Variants in FXR1 observed in about 807,000 individuals in gnomAD.
The protein encoded by FXR1 is FMR1 autosomal homolog 1, also known as RNA-binding protein FXR1.
In FXR1, 15 loss-of-function variants were observed where a neutral mutation model predicts 84.0. That is an observed-to-expected ratio of 0.18 (90% CI 0.12 to 0.27). The LOEUF is 0.27. Ranked by LOEUF, FXR1 falls within the 10% of genes least tolerant of loss-of-function variation. The pLI, the probability that FXR1 is intolerant of heterozygous loss-of-function variation, is 1.00. For synonymous variants in FXR1, 245 were observed against 250.7 expected (o/e 0.98, Z 0.21); for missense variants, 480 against 774.4 (o/e 0.62, Z 4.51).
chr3:180,960,041 G>A (rs1711894513), intron 10 of FXR1, among the ~76,000 whole-genome samples: 1 of 152,054 alleles, frequency 6.6e-6, no homozygotes, highest in African/African-American at 2.4e-5. Context: ...AACTGATTGG[G>A]GGAGTTAAGC....
intron 3 of FXR1, among the ~76,000 whole-genome samples, chr3:180,942,647 T>C (rs1371526136): frequency 6.6e-6 from 1 of 152,098 alleles, no homozygotes; most frequent in African/African-American, 2.4e-5. Context: ...GCTATTGTGT[T>C]TTTAGGCTTC....
chr3:180,950,734 A>C (rs553913790), intron 7 of FXR1, among the ~76,000 whole-genome samples: 32 of 152,268 alleles, frequency 2.1e-4, no homozygotes, highest in Non-Finnish European at 4.0e-4. Context: ...AAATCATTTT[A>C]GTCTTTTTTG....
chr3:180,919,150 A>G lies in FXR1; in HGVS notation c.51+6414A>G, dbSNP rs556139104. ...TTTAGACAAATCTGCTTTCTAATAT[A>G]GTAGCCACCAGCCATGGAGCTGAAA... is the stretch of plus-strand genomic sequence containing the variant. On this transcript the variant is annotated intron_variant, in intron 1 of 16. Transcript: ENST00000357559. Among the ~76,000 whole-genome samples, 5 of 152,340 alleles carry G rather than the reference A, an allele frequency of 3.3e-5. No individual in the cohort carries two copies. The South Asian group carries it at 8.3e-4, about 25-fold the overall frequency.
intron 1 of FXR1, among the ~76,000 whole-genome samples, chr3:180,922,254 A>T (rs1005678130): frequency 3.9e-5 from 6 of 152,174 alleles, no homozygotes; most frequent in Non-Finnish European, 8.8e-5. Context: ...CTTTCCAAAA[A>T]GGCTTCTGAT....
Position 180,968,140 on chromosome 3 carries a change from C to G in FXR1, c.1288C>G (p.Arg430Gly), listed in dbSNP as rs779813242. Reference protein sequence around the residue: ...SDWSLAGEDDRDSRHQRDSRR... With the variant: ...SDWSLAGEDDGDSRHQRDSRR... The stretch of plus-strand genomic sequence containing the variant: ...TTGGTCATTGGCAGGAGAAGATGAT[C>G]GAGACAGCCGACATCAGCGTGACAG... Residue 430 changes from arginine (R) to glycine (G), a missense_variant, in exon 14 of 17, where the codon CGA (arginine) becomes GGA (glycine). Around this residue, in one of 6 missense-constraint regions of FXR1, gnomAD observed 157 missense variants for 227.8 expected, o/e 0.69. Transcript: ENST00000357559. 6.2e-7 allele frequency: 1 copy of G among 1,613,110 alleles called. No individual in the cohort carries two copies. Among genetic ancestry groups the G allele is most frequent in the East Asian group, 2.2e-5 (1 of 44,856 alleles).
chr3:180,950,209 C>T (rs894010030), intron 7 of FXR1, among the ~76,000 whole-genome samples: 7 of 152,310 alleles, frequency 4.6e-5, no homozygotes, highest in South Asian at 2.1e-4. Context: ...CATGCACACA[C>T]TGTGATGTCT....
intron 9 of FXR1, among the ~76,000 whole-genome samples, chr3:180,956,221 G>A (rs1021857676): frequency 3.2e-4 from 48 of 152,142 alleles, no homozygotes; most frequent in African/African-American, 1.2e-3. Flanking sequence ...AAAAATATCT[G>A]AACGTTGATT....
Position 180,935,185 on chromosome 3 carries a change from C to T in FXR1, c.152C>T (p.Pro51Leu), listed in dbSNP as rs1315653633. The change falls in exon 3 of 17, where the codon CCA becomes CTA. Residue 51 changes from proline (P) to leucine (L), a missense_variant. Pro to Leu is a moderately conservative substitution (Grantham distance 98, BLOSUM62 -3). Around this residue, in one of 6 missense-constraint regions of FXR1, gnomAD observed 54 missense variants for 74.2 expected, o/e 0.73. Transcript: ENST00000357559. ...CCATTTAATGAAGTTAGATTACCAC[C>T]ACCACCTGATATAAAAAAAGAAATT... is the stretch of plus-strand genomic sequence containing the variant. ...QVPFNEVRLP[P>L]PPDIKKEISE... 1 of 1,583,214 alleles carries T rather than the reference C, an allele frequency of 6.3e-7. No individual in the cohort carries two copies. The highest frequency in any genetic ancestry group is 8.7e-7 in the Non-Finnish European group (1 of 1,152,254).
Position 180,921,703 on chromosome 3 carries a change from C to G in FXR1, c.51+8967C>G, listed in dbSNP as rs145999495. On this transcript the variant is annotated intron_variant, in intron 1 of 16. Coordinates refer to ENST00000357559, the MANE Select transcript of FXR1 (RefSeq NM_005087.4). ...GAAGTGGGGAGTGGTGATGCACATA[C>G]GTGCTGTATGGAAAACGTGTTGGCT... 2.8e-3 allele frequency among the ~76,000 whole-genome samples: 421 copies of G among 152,222 alleles called. 1 individual carries two copies. Among genetic ancestry groups the G allele is most frequent in the African/African-American group, 9.8e-3 (406 of 41,518 alleles).
rs1714580057 is a variant in FXR1, at chr3:180,980,922, A to G, written c.*4630A>G. On this transcript the variant is annotated 3_prime_UTR_variant, in exon 17 of 17. Transcript: ENST00000357559. ...CCAAAAACCTAGGAGAGCATTCTACATTGTAATTTTTTTTTTACTTTGTTT... is the reference window on the plus strand; with the variant it reads ...CCAAAAACCTAGGAGAGCATTCTACGTTGTAATTTTTTTTTTACTTTGTTT... 1 of 149,744 alleles carries G rather than the reference A, an allele frequency of 6.7e-6. No homozygotes were observed. The highest frequency in any genetic ancestry group is 1.5e-5 in the Non-Finnish European group (1 of 67,878). 9.3% of individuals were successfully genotyped at this position (149,744 alleles called of 1,614,324 possible). A position where few individuals can be genotyped will look rare whatever the true frequency, so the allele number is the denominator to read the frequency against.
intron 1 of FXR1, chr3:180,914,952 T>C: frequency 1.0e-6 from 1 of 984,120 alleles, no homozygotes. Context: ...AATGGCGGAG[T>C]GGAAAAGAGT....
intron 2 of FXR1, among the ~76,000 whole-genome samples, chr3:180,934,790 C>T (rs1159023102): frequency 4.6e-5 from 7 of 151,996 alleles, no homozygotes; most frequent in African/African-American, 9.7e-5. Context: ...GGCAGCTGTC[C>T]GAATCAAAGT....
At position 180,963,101 on chromosome 3, in the gene FXR1, A is replaced by ATTTT; in HGVS notation, c.1198+26_1198+29dup. ...ACACCTCCGGTTATGGTAAAAAAAA[A>ATTTT]TTTTTTTTTTTTTTTTTTGGTAATA... On this transcript the variant is annotated intron_variant, in intron 13 of 16. Transcript: ENST00000357559. 1.6e-5 allele frequency: 14 copies of ATTTT among 867,060 alleles called. No homozygotes were observed. The highest frequency in any genetic ancestry group is 2.2e-5 in the Non-Finnish European group (12 of 556,198). The allele number at this position is 867,060 out of a possible 1,614,324, so 53.7% of individuals were successfully genotyped here. A position where few individuals can be genotyped will look rare whatever the true frequency, so the allele number is the denominator to read the frequency against.
chr3:180,926,541 G>GA lies in FXR1; in HGVS notation c.52-6787dup, dbSNP rs1394688926. 3.1e-5 allele frequency among the ~76,000 whole-genome samples: 4 copies of GA among 130,036 alleles called. No homozygotes were observed. The East Asian group carries it at 8.7e-4, about 28-fold the overall frequency. The allele number at this position is 130,036 out of a possible 152,430, so 85.3% of individuals were successfully genotyped here. A position where few individuals can be genotyped will look rare whatever the true frequency, so the allele number is the denominator to read the frequency against. The stretch of plus-strand genomic sequence containing the variant: ...CTGGCCTTTTGTTGGCATTAAAAAA[G>GA]AAAAAAGGCAGTTTGTTTTGCAATC... On this transcript the variant is annotated intron_variant, in intron 1 of 16. Coordinates refer to ENST00000357559, the MANE Select transcript of FXR1 (RefSeq NM_005087.4).
At chr3:180,920,897 C>T (rs952035642) in intron 1 of FXR1, among the ~76,000 whole-genome samples, 1 of 152,092 alleles carries the variant, frequency 6.6e-6, no homozygotes, top group African/African-American at 2.4e-5. Context: ...ATGGGTGAAC[C>T]TAACAAGCCA....
intron 11 of FXR1, among the ~76,000 whole-genome samples, chr3:180,962,373 C>T (rs1200182164): frequency 1.3e-5 from 2 of 152,198 alleles, no homozygotes; most frequent in Admixed American, 1.3e-4. Flanking sequence ...TAACCAAGAG[C>T]TTTCTCTAGA....
At chr3:180,951,515 A>G (rs373538881) in intron 8 of FXR1, 47 bp downstream of exon 8, 8 of 1,275,748 alleles carry the variant, frequency 6.3e-6, no homozygotes, top group Admixed American at 2.3e-5. Flanking sequence ...TTAACCATCT[A>G]TTGTTTGATT....
intron 15 of FXR1, among the ~76,000 whole-genome samples, chr3:180,974,842 AAAAC>A (rs1714025118): frequency 6.6e-6 from 1 of 152,208 alleles, no homozygotes; most frequent in Non-Finnish European, 1.5e-5. Flanking sequence ...GCTTTAAAAA[AAAAC>A]ACACACACAC....
At chr3:180,918,152 C>T (rs1718130415) in intron 1 of FXR1, among the ~76,000 whole-genome samples, 1 of 151,716 alleles carries the variant, frequency 6.6e-6, no homozygotes, top group African/African-American at 2.4e-5. Context: ...TTTTATGTAC[C>T]TGTTATTTTC....
Sources: allele counts gnomAD v4.1 joint callset (sites outside exome capture counted in the v4.1 genomes callset), GRCh38; gene constraint gnomAD v4.1.1; regional missense constraint gnomAD v4.1.1; transcripts MANE v1.5; gene names NCBI Gene and HGNC (gene_info 2026-07-23, HGNC 2026-07-21).